The following RELL1 variants were observed in gnomAD, a reference collection of about 807,000 sequenced individuals.
RELL1 encodes the protein RELT like 1.
RELL1 carries 10 observed loss-of-function variants against 23.0 expected under a neutral mutation model. The observed-to-expected ratio is 0.43, with a 90% CI of 0.27 to 0.74. RELL1 has a LOEUF of 0.74. Ranked by LOEUF, RELL1 falls within the 30% of genes least tolerant of loss-of-function variation. The pLI is 0.19. For missense variants in RELL1, 315 were observed against 364.4 expected (o/e 0.86, Z 1.10); for synonymous variants, 146 against 146.8 (o/e 0.99, Z 0.04).
chr4:37,637,779 C>T (rs978237030), intron 4 of RELL1, among the ~76,000 whole-genome samples: 1 of 152,202 alleles, frequency 6.6e-6, no homozygotes, highest in Admixed American at 6.5e-5. Flanking sequence ...AAATACAGTT[C>T]TCTGTAATTA....
chr4:37,649,759 TGTG>T (rs1409200468), intron 1 of RELL1, among the ~76,000 whole-genome samples: 3 of 152,232 alleles, frequency 2.0e-5, no homozygotes, highest in Non-Finnish European at 2.9e-5. Flanking sequence ...TCTTCTTCAT[TGTG>T]GAATGAGTAT....
chr4:37,631,533 G>A lies in RELL1; in HGVS notation c.681-10C>T, dbSNP rs936733274. ...TTTTGTAACTCTAAATCTGAGGGGG[G>A]AATGGGGAGAGGTGATGGGGTTTGC... On this transcript the variant is annotated splice_polypyrimidine_tract_variant and intron_variant, in intron 5 of 6. Coordinates refer to ENST00000454158, the MANE Select transcript of RELL1 (RefSeq NM_001085400.2). The A allele has an allele frequency of 1.9e-6, 3 of 1,613,416 alleles. No individual in the cohort carries two copies. The highest frequency in any genetic ancestry group is 1.7e-5 in the Admixed American group (1 of 59,864).
At chr4:37,631,786 TCAGGTATTGGC>T (rs1720145325) in intron 5 of RELL1, among the ~76,000 whole-genome samples, 2 of 151,986 alleles carry the variant, frequency 1.3e-5, no homozygotes, top group Non-Finnish European at 2.9e-5. Context: ...ATTTAAAAAC[TCAGGTATTGGC>T]CAGGCATGGT....
At chr4:37,605,860 A>AAGAAAG (rs1272998665), downstream of RELL1, among the ~76,000 whole-genome samples, 2 of 149,412 alleles carry the variant, frequency 1.3e-5, no homozygotes, top group African/African-American at 4.9e-5. Flanking sequence ...AAGAAAAGAA[A>AAGAAAG]AGAAAGAGAA....
At chr4:37,587,576 A>G (rs1577544140), downstream of RELL1, among the ~76,000 whole-genome samples, 2 of 152,342 alleles carry the variant, frequency 1.3e-5, no homozygotes, top group Non-Finnish European at 1.5e-5. Context: ...AACATGGGAG[A>G]CAGAGACACA....
At chr4:37,666,739 C>T (rs1012131663) in intron 1 of RELL1, among the ~76,000 whole-genome samples, 5 of 152,142 alleles carry the variant, frequency 3.3e-5, no homozygotes, top group African/African-American at 1.2e-4. Context: ...TCAGGTGGTA[C>T]CACAAGGCCA....
chr4:37,631,616 A>G (rs1720135459), intron 5 of RELL1, 93 bp from the exon 6 acceptor site: 5 of 1,414,314 alleles, frequency 3.5e-6, no homozygotes, highest in Middle Eastern at 1.8e-4. Flanking sequence ...GAGGATCTCA[A>G]ATGAACTCAG....
intron 6 of RELL1, among the ~76,000 whole-genome samples, chr4:37,596,725 TATATA>T (rs1718860936): frequency 6.5e-5 from 1 of 15,344 alleles, no homozygotes; most frequent in Non-Finnish European, 2.2e-4. Flanking sequence ...TATATATATA[TATATA>T]TATATATTTT....
chr4:37,596,738 T>TATATATATATATATATA (rs61256232), intron 6 of RELL1, among the ~76,000 whole-genome samples: 1 of 18,536 alleles, frequency 5.4e-5, no homozygotes, highest in Non-Finnish European at 9.7e-5. Flanking sequence ...ATATATATAT[T>TATATATATATATATATA]TTTTTTTTTT....
Position 37,610,912 on chromosome 4 carries a change from C to T in RELL1, c.*2434G>A, listed in dbSNP as rs2109227669. 6.6e-6 allele frequency among the ~76,000 whole-genome samples: 1 copy of T among 152,242 alleles called. No homozygotes were observed. Among genetic ancestry groups the T allele is most frequent in the South Asian group, 2.1e-4 (1 of 4,818 alleles). On this transcript the variant is annotated 3_prime_UTR_variant, in exon 7 of 7. Transcript: ENST00000454158. The surrounding 1 kb of genome is among the most constrained non-coding windows in gnomAD (Gnocchi z 4.1). ...GTTGCTTTGGGAACACAGGAATTCT[C>T]ATCAGATAGTTCAGTATAAACCAGT...
At chr4:37,605,828 AAAG>A (rs1188646886), downstream of RELL1, among the ~76,000 whole-genome samples, 2 of 122,786 alleles carry the variant, frequency 1.6e-5, no homozygotes, top group African/African-American at 2.6e-5. Context: ...AGAAAGAAAG[AAAG>A]AAAGAAAGAA....
chr4:37,653,539 C>T (rs867309078), intron 1 of RELL1, among the ~76,000 whole-genome samples: 11 of 152,286 alleles, frequency 7.2e-5, no homozygotes, highest in African/African-American at 1.7e-4. Flanking sequence ...ATCCTTTTCT[C>T]TGGACATGTC....
chr4:37,634,925 T>C lies in RELL1; in HGVS notation c.642A>G (p.Pro214=). 1 of 1,614,270 alleles carries C rather than the reference T, an allele frequency of 6.2e-7. No homozygotes were observed. Residue 214 remains proline, a synonymous_variant, in exon 5 of 7, where the codon CCA becomes CCG. Transcript: ENST00000454158. ...GGACCGTGACCTCGCCTTGGCGCCG[T>C]GGTCTGCTCTCTCTGGACTTGTTAG... ...KPTNKSRESR[P]RRQGEVTVLS...
At chr4:37,591,161 G>A in exon 7 of RELL1, 1 of 617,414 alleles carries the variant, frequency 1.6e-6, no homozygotes, top group Non-Finnish European at 2.8e-6. Flanking sequence ...TCTGTCCCAT[G>A]CTGCTTGTCA....
Position 37,611,707 on chromosome 4 carries a change from G to GTGTT in RELL1, c.*1635_*1638dup, listed in dbSNP as rs1719386136. Among the ~76,000 whole-genome samples the GTGTT allele has an allele frequency of 6.6e-6, 1 of 151,588 alleles. No homozygotes were observed. Among genetic ancestry groups the GTGTT allele is most frequent in the South Asian group, 2.1e-4 (1 of 4,802 alleles). On this transcript the variant is annotated 3_prime_UTR_variant, in exon 7 of 7. Transcript: ENST00000454158. ...TATTTATGCCTCTGGGTCCTTTCAG[G>GTGTT]TGTTTTGTAAAATGTACAGTTATAA...
At chr4:37,589,888 A>T (rs751070837), downstream of RELL1, among the ~76,000 whole-genome samples, 35 of 152,150 alleles carry the variant, frequency 2.3e-4, 1 homozygote, top group Admixed American at 9.2e-4. Flanking sequence ...CGCCTTGGCC[A>T]CCCAAATTGC....
At chr4:37,632,570 C>T (rs4482771) in intron 5 of RELL1, among the ~76,000 whole-genome samples, 29,407 of 152,000 alleles carry the variant, frequency 0.19, 3,472 homozygotes, top group Non-Finnish European at 0.26. Flanking sequence ...GACGAACTTC[C>T]GAAAATATGC....
At chr4:37,638,418 G>A (rs574607448) in intron 4 of RELL1, 29 bp downstream of exon 4, 96 of 1,564,282 alleles carry the variant, frequency 6.1e-5, no homozygotes, top group Non-Finnish European at 7.4e-5. Context: ...AAAAGATGTC[G>A]CACTAAGAAA....
intron 6 of RELL1, among the ~76,000 whole-genome samples, chr4:37,624,332 A>T (rs1208502231): frequency 6.6e-6 from 1 of 152,246 alleles, no homozygotes; most frequent in Non-Finnish European, 1.5e-5. Context: ...TATAATAAAA[A>T]GAACTTGTCA....
Sources: allele counts gnomAD v4.1 joint callset (sites outside exome capture counted in the v4.1 genomes callset), GRCh38; gene constraint gnomAD v4.1.1; non-coding constraint Gnocchi (gnomAD v3.1); transcripts MANE v1.5; gene names NCBI Gene and HGNC (gene_info 2026-07-23, HGNC 2026-07-21).